MYO3A: variants seen among roughly 807,000 people sequenced by gnomAD.
The protein encoded by MYO3A is myosin-IIIa.
In MYO3A, 180 loss-of-function variants were observed where a neutral mutation model predicts 192.7. The observed-to-expected ratio is 0.93, with a 90% CI of 0.83 to 1.06. The LOEUF is 1.06. Among genes scored for constraint, MYO3A ranks in the 50% least tolerant of loss-of-function variants. The pLI is 0.00. For synonymous variants in MYO3A, 628 were observed against 645.3 expected, an observed-to-expected ratio of 0.97 and a Z score of 0.41; for missense variants, 1,896 against 1,905.0, an observed-to-expected ratio of 1.00 and a Z score of 0.09.
chr10:26,014,745 T>A (rs534339991), intron 6 of MYO3A, among the ~76,000 whole-genome samples: 1 of 152,226 alleles, frequency 6.6e-6, no homozygotes, highest in South Asian at 2.1e-4. Context: ...CCCCTTTATG[T>A]TGACAAAATT....
Position 26,173,790 on chromosome 10 carries a change from A to G in MYO3A, c.3526A>G (p.Thr1176Ala), listed in dbSNP as rs773127499. 1.2e-6 allele frequency: 2 copies of G among 1,614,160 alleles called. No homozygotes were observed. The highest frequency in any genetic ancestry group is 4.5e-5 in the East Asian group (2 of 44,880). The change falls in exon 30 of 35, where the codon ACC (threonine) becomes GCC (alanine). Residue 1176 changes from threonine to alanine, a missense_variant. Thr to Ala is a moderately conservative substitution (Grantham distance 58). Coordinates refer to ENST00000642920, the MANE Select transcript of MYO3A (RefSeq NM_017433.5). ...CACTTTCAAACCTGAAGAGGAAACCACCAATGCTGTGGAGAGTAACAACAG... is the reference window on the plus strand; with the variant it reads ...CACTTTCAAACCTGAAGAGGAAACCGCCAATGCTGTGGAGAGTAACAACAG... ...TSTFKPEEET[T>A]NAVESNNRVY...
At chr10:25,936,136 T>A (rs1836047234) in intron 2 of MYO3A, among the ~76,000 whole-genome samples, 1 of 152,096 alleles carries the variant, frequency 6.6e-6, no homozygotes, top group South Asian at 2.1e-4. Context: ...AATATCAACT[T>A]AATATATATG....
At chr10:26,060,325 T>G in intron 10 of MYO3A, among the ~76,000 whole-genome samples, 1 of 150,578 alleles carries the variant, frequency 6.6e-6, no homozygotes, top group Non-Finnish European at 1.5e-5. Context: ...AAAATTAGCC[T>G]GGCATGGTGG....
chr10:26,067,621 T>C (rs995775118), intron 11 of MYO3A, among the ~76,000 whole-genome samples: 2 of 152,288 alleles, frequency 1.3e-5, no homozygotes, highest in African/African-American at 4.8e-5. Flanking sequence ...AGCTTATCTT[T>C]CGGGGGTATT....
intron 10 of MYO3A, among the ~76,000 whole-genome samples, chr10:26,049,673 CTTTTTT>C (rs66467075): frequency 1.4e-5 from 1 of 69,116 alleles, no homozygotes; most frequent in Admixed American, 1.7e-4. Context: ...TTCTTTCTTT[CTTTTTT>C]TTTTTTTTTT....
intron 33 of MYO3A, among the ~76,000 whole-genome samples, chr10:26,201,851 T>A (rs574016626): frequency 6.6e-6 from 1 of 152,366 alleles, no homozygotes; most frequent in South Asian, 2.1e-4. Flanking sequence ...TAAATATGTT[T>A]TAAATGAATC....
At position 26,189,935 on chromosome 10, in the gene MYO3A, C is replaced by G. The variant is rs193090575; in HGVS notation, c.4439-3270C>G. ...AAAATTATCTGGGCGCAGTGGCAAG[C>G]ACCTGTAATCCCAGCTCCTTGGGAG... On this transcript the variant is annotated intron_variant, in intron 31 of 34. Transcript: ENST00000642920. Among the ~76,000 whole-genome samples, 14 of 152,164 alleles carry G rather than the reference C, an allele frequency of 9.2e-5. No homozygotes were observed. In the East Asian group the frequency reaches 1.4e-3, roughly 15 times the overall value.
intron 2 of MYO3A, among the ~76,000 whole-genome samples, chr10:25,940,090 G>GACCTAAAACC (rs1836384043): frequency 6.6e-6 from 1 of 151,914 alleles, no homozygotes; most frequent in African/African-American, 2.4e-5. Flanking sequence ...CTCTGTTTAG[G>GACCTAAAACC]TTTTAGGTGG....
At chr10:26,194,640 C>T (rs1031054480) in intron 32 of MYO3A, among the ~76,000 whole-genome samples, 2 of 152,188 alleles carry the variant, frequency 1.3e-5, no homozygotes, top group African/African-American at 4.8e-5. Flanking sequence ...GTTAGCCAGT[C>T]TTCTCTAGTT....
At chr10:26,171,116 C>T (rs1413323231) in intron 29 of MYO3A, among the ~76,000 whole-genome samples, 1 of 152,104 alleles carries the variant, frequency 6.6e-6, no homozygotes, top group Non-Finnish European at 1.5e-5. Context: ...TGTGTTAACT[C>T]TGCTATAAAA....
chr10:26,089,721 G>T (rs1836577773), intron 15 of MYO3A, among the ~76,000 whole-genome samples: 1 of 152,092 alleles, frequency 6.6e-6, no homozygotes, highest in Non-Finnish European at 1.5e-5. Context: ...CAGGATCTTG[G>T]CTCTGTAATT....
intron 26 of MYO3A, among the ~76,000 whole-genome samples, chr10:26,163,088 A>G (rs1841559915): frequency 6.6e-6 from 1 of 152,264 alleles, no homozygotes; most frequent in South Asian, 2.1e-4. Context: ...TCGGAGTGTC[A>G]TGGAAAATAG....
intron 10 of MYO3A, among the ~76,000 whole-genome samples, chr10:26,066,609 A>T (rs12248002): frequency 9.9e-4 from 151 of 152,348 alleles, no homozygotes; most frequent in African/African-American, 3.5e-3. Flanking sequence ...ATCACCAATG[A>T]CCTAACACTA....
rs574053873 is a variant in MYO3A, at chr10:25,984,928, T to C, written c.304-11562T>C. On this transcript the variant is annotated intron_variant, in intron 4 of 34. Coordinates refer to ENST00000642920, the MANE Select transcript of MYO3A (RefSeq NM_017433.5). Reference sequence around the variant, plus strand: ...GTTCTAAGAGAAAAGTTCATAGCATTAAATCCCTACTACATCAAAAAGTCT... The same window carrying C: ...GTTCTAAGAGAAAAGTTCATAGCATCAAATCCCTACTACATCAAAAAGTCT... Among the ~76,000 whole-genome samples the C allele has an allele frequency of 3.3e-5, 5 of 152,278 alleles. No homozygotes were observed. In the East Asian group the frequency reaches 9.6e-4, roughly 29 times the overall value.
At chr10:26,155,079 G>C (rs1281752937) in intron 25 of MYO3A, among the ~76,000 whole-genome samples, 2 of 152,162 alleles carry the variant, frequency 1.3e-5, no homozygotes, top group African/African-American at 4.8e-5. Flanking sequence ...CCATAGAACA[G>C]AATGCATTTC....
At chr10:25,990,684 C>G (rs1485188019) in intron 4 of MYO3A, among the ~76,000 whole-genome samples, 1 of 136,260 alleles carries the variant, frequency 7.3e-6, no homozygotes, top group Non-Finnish European at 1.5e-5. Context: ...ACAACAGGCC[C>G]TGGTGTGTGA....
At chr10:26,142,689 T>C (rs1840233484) in intron 20 of MYO3A, among the ~76,000 whole-genome samples, 1 of 152,216 alleles carries the variant, frequency 6.6e-6, no homozygotes, top group South Asian at 2.1e-4. Context: ...GATGAACCTA[T>C]GTGTCCTTGG....
Position 26,088,292 on chromosome 10 carries a change from T to C in MYO3A, c.1449T>C (p.Asn483=). Residue 483 remains asparagine (N), a synonymous_variant, in exon 15 of 35, where the codon AAT becomes AAC. Coordinates refer to ENST00000642920, the MANE Select transcript of MYO3A (RefSeq NM_017433.5). ...ATGCCTGCACTATTATAAATGACAA[T>C]TCTAGCAGATTTGGAAAATACTTAG... ...FGNACTIIND[N]SSRFGKYLEM... The C allele has an allele frequency of 6.2e-7, 1 of 1,613,736 alleles. No individual in the cohort carries two copies. The highest frequency in any genetic ancestry group is 8.5e-7 in the Non-Finnish European group (1 of 1,179,712).
At chr10:25,998,696 T>TA in intron 6 of MYO3A, among the ~76,000 whole-genome samples, 1 of 152,170 alleles carries the variant, frequency 6.6e-6, no homozygotes, top group South Asian at 2.1e-4. Context: ...TCCCTTCCTC[T>TA]AAAAAATAGA....
Sources: gnomAD v4.1 joint callset for allele counts (sites outside exome capture counted in the v4.1 genomes callset) on GRCh38, gnomAD v4.1.1 for gene constraint, MANE v1.5 for transcripts, NCBI Gene and HGNC (gene_info 2026-07-23, HGNC 2026-07-21) for gene names.